The following GPHN variants were observed in gnomAD, a reference collection of about 807,000 sequenced individuals.
GPHN encodes gephyrin.
GPHN carries 17 observed loss-of-function variants against 95.5 expected under a neutral mutation model. That is an observed-to-expected ratio of 0.18 (90% CI 0.12 to 0.27). The LOEUF is 0.27. Among genes scored for constraint, GPHN ranks in the 10% least tolerant of loss-of-function variants. The probability of loss-of-function intolerance (pLI) is 1.00; values close to 1 mark genes in which losing one functional copy is unlikely to be tolerated. For synonymous variants in GPHN, 320 were observed against 322.5 expected (o/e 0.99, Z 0.08); for missense variants, 660 against 978.1 (o/e 0.67, Z 4.34).
the GPHN span, among the ~76,000 whole-genome samples, chr14:67,256,376 G>A: frequency 6.6e-6 from 1 of 152,080 alleles, no homozygotes. Context: ...ATAAAAAGTA[G>A]AAAGATCAGA....
At chr14:67,438,128 T>C in the GPHN span, among the ~76,000 whole-genome samples, 1 of 152,290 alleles carries the variant, frequency 6.6e-6, no homozygotes, top group South Asian at 2.1e-4. Context: ...TCAAGCCATG[T>C]TGGCAAAGCT....
At chr14:66,934,778 C>T (rs904971688) in intron 8 of GPHN, among the ~76,000 whole-genome samples, 1 of 152,194 alleles carries the variant, frequency 6.6e-6, no homozygotes, top group African/African-American at 2.4e-5. Context: ...GTGAACCACT[C>T]ATTCAAGCCC....
the GPHN span, among the ~76,000 whole-genome samples, chr14:67,519,800 G>A: frequency 6.6e-6 from 1 of 150,708 alleles, no homozygotes; most frequent in East Asian, 2.0e-4. Context: ...ATGGCTTACT[G>A]CAGCCTTGAA....
At chr14:67,098,709 C>A (rs1197584456) in intron 12 of GPHN, among the ~76,000 whole-genome samples, 1 of 151,870 alleles carries the variant, frequency 6.6e-6, no homozygotes, top group Non-Finnish European at 1.5e-5. Flanking sequence ...GTAATCCCAG[C>A]TACTCAGGAG....
Position 66,881,454 on chromosome 14 carries a change from C to A in GPHN, c.389+1421C>A, listed in dbSNP as rs534833013. On this transcript the variant is annotated intron_variant, in intron 5 of 22. Coordinates refer to ENST00000478722, the MANE Select transcript of GPHN (RefSeq NM_020806.5). Reference sequence around the variant, plus strand: ...ATAACATCAGGAAAGAATTAAACTTCATTCTCTTGCTAATTCTTTTGTAAT... The same window carrying A: ...ATAACATCAGGAAAGAATTAAACTTAATTCTCTTGCTAATTCTTTTGTAAT... Among the ~76,000 whole-genome samples the A allele has an allele frequency of 6.6e-5, 10 of 151,926 alleles. No homozygotes were observed. In the East Asian group the frequency reaches 1.9e-3, roughly 29 times the overall value.
intron 11 of GPHN, among the ~76,000 whole-genome samples, chr14:67,081,900 G>A (rs2076710585): frequency 6.6e-6 from 1 of 152,128 alleles, no homozygotes; most frequent in African/African-American, 2.4e-5. Context: ...TCAACGATCA[G>A]TTGGCTGTAA....
the GPHN span, chr14:67,653,619 C>A: frequency 1.2e-6 from 1 of 818,998 alleles, no homozygotes; most frequent in Non-Finnish European, 1.9e-6. Flanking sequence ...GAAATCAAGC[C>A]AATTTAAATG....
chr14:67,623,402 C>T, the GPHN span, among the ~76,000 whole-genome samples: 3 of 152,318 alleles, frequency 2.0e-5, no homozygotes, highest in Non-Finnish European at 4.4e-5. Flanking sequence ...TCTGATGTCA[C>T]AGGCTGCCGG....
chr14:66,686,266 A>T (rs529660101), intron 2 of GPHN, among the ~76,000 whole-genome samples: 6 of 152,028 alleles, frequency 3.9e-5, no homozygotes, highest in African/African-American at 7.2e-5. Flanking sequence ...TAAAGTAGTT[A>T]TTTCCAATTC....
At chr14:67,043,663 C>T (rs1253505861) in intron 10 of GPHN, among the ~76,000 whole-genome samples, 2 of 152,238 alleles carry the variant, frequency 1.3e-5, no homozygotes, top group East Asian at 3.9e-4. Context: ...CATCGATGTT[C>T]ATCAGGGATA....
the GPHN span, among the ~76,000 whole-genome samples, chr14:67,394,107 G>T: frequency 2.6e-5 from 4 of 152,132 alleles, no homozygotes; most frequent in African/African-American, 9.7e-5. Context: ...GTTCAGTTAT[G>T]CCTCCAAATT....
At chr14:66,724,123 TC>T (rs2071009437) in intron 2 of GPHN, among the ~76,000 whole-genome samples, 1 of 152,180 alleles carries the variant, frequency 6.6e-6, no homozygotes. Flanking sequence ...TAAAATCTTG[TC>T]TTTTCGCCAG....
chr14:67,250,210 AACGTTCCAT>A, the GPHN span, among the ~76,000 whole-genome samples: 1 of 152,180 alleles, frequency 6.6e-6, no homozygotes, highest in Non-Finnish European at 1.5e-5. Context: ...TTCCTCCAGG[AACGTTCCAT>A]ACCCTCCTAC....
chr14:66,989,553 C>A (rs1396620047), intron 9 of GPHN, among the ~76,000 whole-genome samples: 1 of 150,052 alleles, frequency 6.7e-6, no homozygotes, highest in Admixed American at 6.7e-5. Flanking sequence ...TGATTAATCT[C>A]ATTTTATTTC....
At position 66,512,508 on chromosome 14, in the gene GPHN, A is replaced by G. The variant is rs115843692; in HGVS notation, c.64+3917A>G. On this transcript the variant is annotated intron_variant, in intron 1 of 22. Coordinates refer to ENST00000478722, the MANE Select transcript of GPHN (RefSeq NM_020806.5). ...GTCACTAATAGGGGCATGAATGAGA[A>G]AAAGGTACAAATTTTTGGGAAAGGG... 7.3e-3 allele frequency among the ~76,000 whole-genome samples: 1,107 copies of G among 151,966 alleles called. 6 individuals are homozygous for G. Among genetic ancestry groups the G allele is most frequent in the African/African-American group, 0.025 (1,057 of 41,548 alleles).
chr14:67,631,636 T>A, the GPHN span, among the ~76,000 whole-genome samples: 1 of 152,082 alleles, frequency 6.6e-6, no homozygotes, highest in Non-Finnish European at 1.5e-5. Flanking sequence ...CTCACTATGT[T>A]GCCCAGGCTG....
intron 2 of GPHN, among the ~76,000 whole-genome samples, chr14:66,763,597 T>C (rs2058843761): frequency 6.6e-6 from 1 of 151,796 alleles, no homozygotes. Flanking sequence ...TGCATAGTAT[T>C]CCATGGTGTA....
At chr14:67,293,455 T>C in the GPHN span, among the ~76,000 whole-genome samples, 4 of 152,238 alleles carry the variant, frequency 2.6e-5, no homozygotes, top group Middle Eastern at 3.4e-3. Flanking sequence ...AAATGGGCTA[T>C]TGGGGAGGGA....
intron 10 of GPHN, among the ~76,000 whole-genome samples, chr14:67,044,494 A>G (rs796593947): frequency 1.3e-5 from 2 of 152,010 alleles, no homozygotes; most frequent in Non-Finnish European, 2.9e-5. Context: ...AGGAAGATGT[A>G]TATTTTCCCC....
Sources: gnomAD v4.1 joint callset for allele counts (sites outside exome capture counted in the v4.1 genomes callset) on GRCh38, gnomAD v4.1.1 for gene constraint, MANE v1.5 for transcripts, NCBI Gene and HGNC (gene_info 2026-07-23, HGNC 2026-07-21) for gene names.